Variants in QTMAN observed in about 807,000 individuals in gnomAD.
QTMAN encodes queuosine-tRNA mannosyltransferase.
At chr2:144,000,388 A>AC in the QTMAN span, among the ~76,000 whole-genome samples, 2 of 152,044 alleles carry the variant, frequency 1.3e-5, no homozygotes, top group Non-Finnish European at 2.9e-5. Flanking sequence ...AAACAAACTA[A>AC]CCAACAAATT....
the QTMAN span, among the ~76,000 whole-genome samples, chr2:144,284,410 G>T: frequency 2.9e-4 from 44 of 151,734 alleles, no homozygotes; most frequent in Non-Finnish European, 6.0e-4. Context: ...AAATTATTAT[G>T]ATAATTAAGT....
chr2:143,995,128 TCTAA>T, the QTMAN span, among the ~76,000 whole-genome samples: 13 of 152,268 alleles, frequency 8.5e-5, no homozygotes, highest in South Asian at 8.3e-4. Flanking sequence ...TTAGTAATAC[TCTAA>T]CTAACAATCA....
chr2:144,000,325 T>C, the QTMAN span, among the ~76,000 whole-genome samples: 4 of 152,086 alleles, frequency 2.6e-5, no homozygotes, highest in Non-Finnish European at 4.4e-5. Flanking sequence ...GTTTTTTAAA[T>C]GTCAGAATTC....
chr2:144,212,441 A>G, the QTMAN span, among the ~76,000 whole-genome samples: 120 of 152,260 alleles, frequency 7.9e-4, no homozygotes, highest in Middle Eastern at 3.4e-3. Flanking sequence ...CAGCCTGAGC[A>G]ACAAGAGCAA....
chr2:144,034,995 T>G, the QTMAN span, among the ~76,000 whole-genome samples: 2 of 152,200 alleles, frequency 1.3e-5, no homozygotes, highest in Non-Finnish European at 2.9e-5. Context: ...GCATGGCAAC[T>G]AATATAGTTT....
chr2:143,975,586 C>T, the QTMAN span, among the ~76,000 whole-genome samples: 3 of 152,234 alleles, frequency 2.0e-5, no homozygotes, highest in East Asian at 1.9e-4. Context: ...ACAGAAGACT[C>T]CATCTTCATC....
the QTMAN span, among the ~76,000 whole-genome samples, chr2:144,309,390 G>C: frequency 6.6e-6 from 1 of 152,168 alleles, no homozygotes; most frequent in Non-Finnish European, 1.5e-5. Context: ...CAGATACATG[G>C]ATAAGCAAAT....
chr2:144,032,816 G>A, the QTMAN span, among the ~76,000 whole-genome samples: 2 of 152,158 alleles, frequency 1.3e-5, no homozygotes, highest in African/African-American at 4.8e-5. Flanking sequence ...TACTTTTCTG[G>A]ACTTAAATCA....
At chr2:144,141,001 A>G in the QTMAN span, among the ~76,000 whole-genome samples, 1 of 152,050 alleles carries the variant, frequency 6.6e-6, no homozygotes, top group African/African-American at 2.4e-5. Context: ...TGAACTCAGT[A>G]AGTGTAGAAC....
chr2:143,981,841 A>AT, the QTMAN span, among the ~76,000 whole-genome samples: 19 of 152,006 alleles, frequency 1.2e-4, no homozygotes, highest in African/African-American at 3.4e-4. Flanking sequence ...CATATGTTGT[A>AT]TTTTTTTTCA....
chr2:144,299,379 CT>C, the QTMAN span, among the ~76,000 whole-genome samples: 6 of 152,178 alleles, frequency 3.9e-5, no homozygotes, highest in Non-Finnish European at 7.3e-5. Context: ...CTAGCACTTC[CT>C]TTGGATATAG....
At chr2:144,078,291 A>T in the QTMAN span, among the ~76,000 whole-genome samples, 1 of 152,218 alleles carries the variant, frequency 6.6e-6, no homozygotes, top group Non-Finnish European at 1.5e-5. Context: ...TGCTGGTGTC[A>T]CTATAGTCCT....
At chr2:143,967,739 G>A in the QTMAN span, among the ~76,000 whole-genome samples, 1 of 152,142 alleles carries the variant, frequency 6.6e-6, no homozygotes, top group African/African-American at 2.4e-5. Flanking sequence ...GCTGAATGGT[G>A]AGCTGGGGAA....
the QTMAN span, among the ~76,000 whole-genome samples, chr2:144,250,135 T>G: frequency 0.023 from 3,347 of 144,286 alleles, 50 homozygotes; most frequent in East Asian, 0.04. Flanking sequence ...TTTTTTTTTT[T>G]GTTTGTTTTT....
chr2:143,961,917 G>C, the QTMAN span, among the ~76,000 whole-genome samples: 1 of 152,122 alleles, frequency 6.6e-6, no homozygotes, highest in Non-Finnish European at 1.5e-5. Context: ...ATTTGGGAGG[G>C]AAGGGTATCA....
chr2:144,252,151 G>T, the QTMAN span, among the ~76,000 whole-genome samples: 1 of 152,148 alleles, frequency 6.6e-6, no homozygotes, highest in African/African-American at 2.4e-5. Context: ...AGGAATGCTT[G>T]AAGTGAGAAG....
the QTMAN span, chr2:143,938,423 C>T: frequency 6.6e-6 from 1 of 152,204 alleles, no homozygotes; most frequent in African/African-American, 2.4e-5. Flanking sequence ...TCATTTTTAA[C>T]ACTCAAATTA....
At chr2:143,981,595 G>A in the QTMAN span, among the ~76,000 whole-genome samples, 207 of 152,236 alleles carry the variant, frequency 1.4e-3, 1 homozygote, top group Non-Finnish European at 2.5e-3. Context: ...TCCCTCCAAC[G>A]TAAAGAAAAA....
the QTMAN span, among the ~76,000 whole-genome samples, chr2:144,184,469 C>T: frequency 6.6e-6 from 1 of 151,964 alleles, no homozygotes; most frequent in African/African-American, 2.4e-5. Flanking sequence ...AAATAAGGAG[C>T]TATAATGCTT....
Sources: gnomAD v4.1 joint callset for allele counts (sites outside exome capture counted in the v4.1 genomes callset) on GRCh38, gnomAD v4.1.1 for gene constraint, MANE v1.5 for transcripts, NCBI Gene and HGNC (gene_info 2026-07-23, HGNC 2026-07-21) for gene names.